The following PACSIN1 variants were observed in gnomAD, a reference collection of about 807,000 sequenced individuals.
PACSIN1 encodes the protein protein kinase C and casein kinase substrate in neurons 1, also known as protein kinase C and casein kinase substrate in neurons protein 1.
A neutral mutation model predicts 59.5 loss-of-function variants in PACSIN1; 15 were observed. The ratio of observed to expected loss-of-function variants is 0.25; its 90% CI spans 0.17 to 0.39. The LOEUF (loss-of-function observed/expected upper bound fraction) is 0.39. Among genes scored for constraint, PACSIN1 ranks in the 10% least tolerant of loss-of-function variants. The probability of loss-of-function intolerance (pLI) is 1.00; values close to 1 mark genes in which losing one functional copy is unlikely to be tolerated. For synonymous variants in PACSIN1, 210 were observed against 220.6 expected, an observed-to-expected ratio of 0.95 and a Z score of 0.42; for missense variants, 420 against 580.2, an observed-to-expected ratio of 0.72 and a Z score of 2.84.
At chr6:34,489,183 C>CAAAA (rs10638490) in intron 1 of PACSIN1, among the ~76,000 whole-genome samples, 1 of 124,644 alleles carries the variant, frequency 8.0e-6, no homozygotes. Flanking sequence ...GAGTTTGTCT[C>CAAAA]AAAAAAAAAA....
intron 1 of PACSIN1, among the ~76,000 whole-genome samples, chr6:34,507,772 T>C (rs1767136625): frequency 6.6e-6 from 1 of 152,238 alleles, no homozygotes. Context: ...TTGACTATTT[T>C]AGATACCTCA....
chr6:34,467,245 C>G (rs1476019496), intron 1 of PACSIN1, among the ~76,000 whole-genome samples: 1 of 152,168 alleles, frequency 6.6e-6, no homozygotes, highest in East Asian at 1.9e-4. Flanking sequence ...GATCCTTGCC[C>G]CCTGCCCTAT....
At chr6:34,512,984 A>G (rs1767229411) in intron 1 of PACSIN1, among the ~76,000 whole-genome samples, 1 of 152,178 alleles carries the variant, frequency 6.6e-6, no homozygotes, top group Non-Finnish European at 1.5e-5. Flanking sequence ...TGTGACAGCC[A>G]AAGACTGCAG....
chr6:34,467,553 CTTTTTTTTTT>C (rs61324041), intron 1 of PACSIN1, among the ~76,000 whole-genome samples: 20 of 90,794 alleles, frequency 2.2e-4, no homozygotes, highest in African/African-American at 6.0e-4. Context: ...TAGGCCCTTC[CTTTTTTTTTT>C]TTTTTTTTTT....
chr6:34,526,856 G>A (rs997970254), intron 2 of PACSIN1, among the ~76,000 whole-genome samples: 1 of 152,090 alleles, frequency 6.6e-6, no homozygotes, highest in African/African-American at 2.4e-5. Flanking sequence ...AATTGCTATT[G>A]GCTCCGGAAA....
chr6:34,498,088 G>T (rs1269559677), intron 1 of PACSIN1, among the ~76,000 whole-genome samples: 2 of 151,760 alleles, frequency 1.3e-5, no homozygotes, highest in African/African-American at 4.8e-5. Flanking sequence ...TTTGAGACGT[G>T]GTCTCCCTCT....
Position 34,531,630 on chromosome 6 carries a change from C to T in PACSIN1, c.1068C>T (p.Tyr356=), listed in dbSNP as rs1435117450. 1 of 1,613,972 alleles carries T rather than the reference C, an allele frequency of 6.2e-7. No individual in the cohort carries two copies. The highest frequency in any genetic ancestry group is 8.5e-7 in the Non-Finnish European group (1 of 1,180,006). ...SVSSYDRGQP[Y]ATEWSDDESG... ...GCAGCTACGACAGAGGCCAGCCCTA[C>T]GCCACCGAGTGGTCAGACGACGAGA... The change falls in exon 9 of 10, where the codon TAC becomes TAT. Residue 356 remains tyrosine (Y), a synonymous_variant. Transcript: ENST00000244458. This position sits in a 1 kb window ranked among gnomAD's most constrained non-coding sequence, Gnocchi z 4.4.
intron 1 of PACSIN1, among the ~76,000 whole-genome samples, chr6:34,501,420 G>A (rs1236984040): frequency 6.6e-6 from 1 of 152,234 alleles, no homozygotes; most frequent in African/African-American, 2.4e-5. Flanking sequence ...TACACCCAGA[G>A]AGGGGAGGCA....
intron 1 of PACSIN1, among the ~76,000 whole-genome samples, chr6:34,476,757 C>T (rs1444037634): frequency 6.6e-6 from 1 of 152,180 alleles, no homozygotes; most frequent in Non-Finnish European, 1.5e-5. Flanking sequence ...GCTGGCTTGG[C>T]TTGGCTTGGG....
chr6:34,479,781 TGTATTCATTAAA>T (rs1342486553), intron 1 of PACSIN1, among the ~76,000 whole-genome samples: 1 of 151,484 alleles, frequency 6.6e-6, no homozygotes, highest in Non-Finnish European at 1.5e-5. Flanking sequence ...TAATGAATTA[TGTATTCATTAAA>T]GTCTGTTGTT....
At chr6:34,496,660 C>T (rs1561961219) in intron 1 of PACSIN1, among the ~76,000 whole-genome samples, 1 of 152,234 alleles carries the variant, frequency 6.6e-6, no homozygotes, top group Non-Finnish European at 1.5e-5. Flanking sequence ...TGACATGCTC[C>T]CTTCTCTGGT....
Position 34,518,068 on chromosome 6 carries a change from TGG to T in PACSIN1, c.-63-8173_-63-8172del, listed in dbSNP as rs1289567829. Reference sequence around the variant, plus strand: ...AGGGACATTGGGTTGGACAGGACACTGGGCCTGCACTGGGTCCACACATCTTC... The same window carrying T: ...AGGGACATTGGGTTGGACAGGACACTGCCTGCACTGGGTCCACACATCTTC... On this transcript the variant is annotated intron_variant, in intron 1 of 9. Transcript: ENST00000244458. The surrounding 1 kb of genome is among the most constrained non-coding windows in gnomAD (Gnocchi z 4.4). Among the ~76,000 whole-genome samples, 2 of 152,194 alleles carry T rather than the reference TGG, an allele frequency of 1.3e-5. No homozygotes were observed. Among genetic ancestry groups the T allele is most frequent in the Non-Finnish European group, 2.9e-5 (2 of 68,036 alleles).
chr6:34,522,993 G>T (rs1206513421), intron 1 of PACSIN1, among the ~76,000 whole-genome samples: 1 of 152,172 alleles, frequency 6.6e-6, no homozygotes, highest in African/African-American at 2.4e-5. Flanking sequence ...TGCAAAGCCG[G>T]CCTCTTCCCG....
At position 34,532,999 on chromosome 6, in the gene PACSIN1, C is replaced by A; in HGVS notation, c.*469C>A. Reference sequence around the variant, plus strand: ...TCTCAAAGGCCTCCTCTCCAGACCCCTGGAAGGGAGGCTTCCCCATCTTTA... The same window carrying A: ...TCTCAAAGGCCTCCTCTCCAGACCCATGGAAGGGAGGCTTCCCCATCTTTA... On this transcript the variant is annotated 3_prime_UTR_variant, in exon 10 of 10. Coordinates refer to ENST00000244458, the MANE Select transcript of PACSIN1 (RefSeq NM_020804.5). This position sits in a 1 kb window ranked among gnomAD's most constrained non-coding sequence, Gnocchi z 5.2. The A allele has an allele frequency of 6.5e-6, 1 of 154,298 alleles. No homozygotes were observed. 9.6% of individuals were successfully genotyped at this position (154,298 alleles called of 1,614,324 possible).
Position 34,531,846 on chromosome 6 carries a change from G to T in PACSIN1, c.1225+59G>T, listed in dbSNP as rs990574428. 6.8e-7 allele frequency: 1 copy of T among 1,477,616 alleles called. No individual in the cohort carries two copies. Among genetic ancestry groups the T allele is most frequent in the African/African-American group, 1.4e-5 (1 of 69,262 alleles). 91.5% of individuals were successfully genotyped at this position (1,477,616 alleles called of 1,614,324 possible). A position where few individuals can be genotyped will look rare whatever the true frequency, so the allele number is the denominator to read the frequency against. On this transcript the variant is annotated intron_variant, in intron 9 of 9. Coordinates refer to ENST00000244458, the MANE Select transcript of PACSIN1 (RefSeq NM_020804.5). The surrounding 1 kb of genome is among the most constrained non-coding windows in gnomAD (Gnocchi z 4.4). Reference sequence around the variant, plus strand: ...GGCTTGGGCCTGGATTGGGTGTGTGGTGGTGCAGGGGCGGTGCCTGAGAGA... The same window carrying T: ...GGCTTGGGCCTGGATTGGGTGTGTGTTGGTGCAGGGGCGGTGCCTGAGAGA...
At chr6:34,511,433 C>T (rs751804322) in intron 1 of PACSIN1, among the ~76,000 whole-genome samples, 2 of 152,174 alleles carry the variant, frequency 1.3e-5, no homozygotes, top group African/African-American at 2.4e-5. Flanking sequence ...CTGCCCAGAG[C>T]CTCAGTTTCC....
chr6:34,494,366 G>A (rs1477049074), intron 1 of PACSIN1, among the ~76,000 whole-genome samples: 1 of 152,066 alleles, frequency 6.6e-6, no homozygotes, highest in Non-Finnish European at 1.5e-5. Flanking sequence ...CAAGTTTAAT[G>A]CACACAGGTG....
chr6:34,517,094 C>T lies in PACSIN1; in HGVS notation c.-63-9149C>T, dbSNP rs1014443432. ...CATCCCCCCAACGCCGTTCCTCCCT[C>T]GGTATCCCCAGCTCAGCAAACAGCA... is the stretch of plus-strand genomic sequence containing the variant. On this transcript the variant is annotated intron_variant, in intron 1 of 9. Transcript: ENST00000244458. Among the ~76,000 whole-genome samples the T allele has an allele frequency of 3.3e-5, 5 of 152,310 alleles. No homozygotes were observed. In the South Asian group the frequency reaches 6.2e-4, roughly 19 times the overall value.
intron 1 of PACSIN1, among the ~76,000 whole-genome samples, chr6:34,511,858 T>C (rs1406452309): frequency 6.6e-6 from 1 of 152,084 alleles, no homozygotes; most frequent in Non-Finnish European, 1.5e-5. Context: ...GGGCAATGAA[T>C]GCTGTTGGGG....
Sources: gnomAD v4.1 joint callset for allele counts (sites outside exome capture counted in the v4.1 genomes callset) on GRCh38, gnomAD v4.1.1 for gene constraint, Gnocchi (gnomAD v3.1) non-coding constraint, MANE v1.5 for transcripts, NCBI Gene and HGNC (gene_info 2026-07-23, HGNC 2026-07-21) for gene names.